Variants in KLB observed in about 807,000 individuals in gnomAD.
The protein encoded by KLB is beta-klotho.
KLB carries 44 observed loss-of-function variants against 88.4 expected under a neutral mutation model. That is an observed-to-expected ratio of 0.50 (90% CI 0.39 to 0.64). KLB has a LOEUF of 0.64. Ranked by LOEUF, KLB falls within the 30% of genes least tolerant of loss-of-function variation. KLB has a pLI of 0.00. For synonymous variants in KLB, 548 were observed against 513.4 expected, an observed-to-expected ratio of 1.07 and a Z score of -0.91; for missense variants, 1,137 against 1,304.8, an observed-to-expected ratio of 0.87 and a Z score of 1.98.
Position 39,447,216 on chromosome 4 carries a change from C to T in KLB, c.2490C>T (p.Phe830=), listed in dbSNP as rs989682756. 6.2e-7 allele frequency: 1 copy of T among 1,614,068 alleles called. No individual in the cohort carries two copies. Among genetic ancestry groups the T allele is most frequent in the Non-Finnish European group, 8.5e-7 (1 of 1,180,046 alleles). The stretch of plus-strand genomic sequence containing the variant: ...CGCTCAACCACTTCACCACTAGGTT[C>T]GTGATGCACGAGCAGCTGGCCGGCA... ...FCALNHFTTR[F]VMHEQLAGSR... The change falls in exon 4 of 5, where the codon TTC becomes TTT. Residue 830 remains phenylalanine (F), a synonymous_variant. Coordinates refer to ENST00000257408, the MANE Select transcript of KLB (RefSeq NM_175737.4).
chr4:39,409,194 A>G (rs971589002), intron 1 of KLB, among the ~76,000 whole-genome samples: 3 of 152,140 alleles, frequency 2.0e-5, no homozygotes, highest in African/African-American at 7.2e-5. Flanking sequence ...TTGACAAAAT[A>G]AGACCTTAAA....
chr4:39,432,881 A>AT (rs769537512), intron 1 of KLB, among the ~76,000 whole-genome samples: 6,860 of 142,918 alleles, frequency 0.048, 200 homozygotes, highest in African/African-American at 0.064. Context: ...CTTATAGGGG[A>AT]TTTTTTTTTT....
chr4:39,426,898 A>T (rs1249555761), intron 1 of KLB, among the ~76,000 whole-genome samples: 1 of 152,106 alleles, frequency 6.6e-6, no homozygotes, highest in Non-Finnish European at 1.5e-5. Context: ...TATATTGCCC[A>T]GTCTGGTCTT....
intron 2 of KLB, 87 bp downstream of exon 2, chr4:39,434,807 T>A: frequency 9.3e-7 from 1 of 1,075,742 alleles, no homozygotes; most frequent in South Asian, 1.6e-5. Flanking sequence ...ACTATTATTG[T>A]TGGGCTTTTT....
chr4:39,428,685 T>C lies in KLB; in HGVS notation c.826-5525T>C, dbSNP rs1560648652. Among the ~76,000 whole-genome samples the C allele has an allele frequency of 3.3e-5, 5 of 152,322 alleles. No individual in the cohort carries two copies. In the South Asian group the frequency reaches 8.3e-4, roughly 25 times the overall value. On this transcript the variant is annotated intron_variant, in intron 1 of 4. Coordinates refer to ENST00000257408, the MANE Select transcript of KLB (RefSeq NM_175737.4). Reference sequence around the variant, plus strand: ...GTGGAAGATGTTTAAAGTGATTTTATTTCTTAAATTTTTATTTATTTATTA... The same window carrying C: ...GTGGAAGATGTTTAAAGTGATTTTACTTCTTAAATTTTTATTTATTTATTA...
At chr4:39,425,942 AC>A in intron 1 of KLB, among the ~76,000 whole-genome samples, 1 of 150,046 alleles carries the variant, frequency 6.7e-6, no homozygotes, top group Admixed American at 6.7e-5. Context: ...ACATGGTGAA[AC>A]CCCGTCTCTA....
At chr4:39,420,716 T>A (rs1386292154) in intron 1 of KLB, among the ~76,000 whole-genome samples, 1 of 152,062 alleles carries the variant, frequency 6.6e-6, no homozygotes, top group Non-Finnish European at 1.5e-5. Context: ...GGTCTGACTC[T>A]TGTTGCCCAG....
In KLB at chr4:39,446,447, C is replaced by T; in HGVS notation, c.1721C>T (p.Ala574Val). 3.1e-6 allele frequency: 5 copies of T among 1,614,242 alleles called. No individual in the cohort carries two copies. Among genetic ancestry groups the T allele is most frequent in the Non-Finnish European group, 4.2e-6 (5 of 1,180,044 alleles). Residue 574 changes from alanine to valine, a missense_variant, in exon 4 of 5, where the codon GCT becomes GTT. Coordinates refer to ENST00000257408, the MANE Select transcript of KLB (RefSeq NM_175737.4). The surrounding 1 kb of genome is among the most constrained non-coding windows in gnomAD (Gnocchi z 6.4). ...VEGVRLKTRPAQCTDFVNIKK... is the reference protein window; with the variant it reads ...VEGVRLKTRPVQCTDFVNIKK... ...GGGGTGAGGCTGAAAACACGACCCG[C>T]TCAATGCACAGATTTTGTAAACATC...
intron 1 of KLB, among the ~76,000 whole-genome samples, chr4:39,424,774 A>G (rs752821251): frequency 5.9e-5 from 9 of 152,078 alleles, no homozygotes; most frequent in South Asian, 4.1e-4. Flanking sequence ...GACTACAGGC[A>G]TGTGCCACCA....
intron 3 of KLB, among the ~76,000 whole-genome samples, chr4:39,445,662 G>A (rs534085757): frequency 8.1e-5 from 12 of 147,978 alleles, no homozygotes; most frequent in East Asian, 4.0e-4. Flanking sequence ...GCGCCTCCAC[G>A]CCTGGCTAAT....
In KLB at chr4:39,407,745, G is replaced by C; in HGVS notation, c.796G>C (p.Val266Leu). ...TGGAGAGAAGGGAAATTTAGCAGCT[G>C]TCTACACTGTGGGACACAACTTGAT... ...APGEKGNLAA[V>L]YTVGHNLIKA... Residue 266 changes from valine (V) to leucine (L), a missense_variant, in exon 1 of 5, where the codon GTC becomes CTC. Coordinates refer to ENST00000257408, the MANE Select transcript of KLB (RefSeq NM_175737.4). 1 of 1,602,264 alleles carries C rather than the reference G, an allele frequency of 6.2e-7. No individual in the cohort carries two copies. The highest frequency in any genetic ancestry group is 8.5e-7 in the Non-Finnish European group (1 of 1,170,546).
In KLB at chr4:39,448,410, C is replaced by T. The variant is rs771849176; in HGVS notation, c.2859C>T (p.Ser953=). 3.1e-6 allele frequency: 5 copies of T among 1,613,978 alleles called. No individual in the cohort carries two copies. Among genetic ancestry groups the T allele is most frequent in the Non-Finnish European group, 1.7e-6 (2 of 1,179,992 alleles). Reference sequence around the variant, plus strand: ...TCACATCTGATTTTAAAGCTAAATCCTCAATACAATTTTACAACAAAGTGA... The same window carrying T: ...TCACATCTGATTTTAAAGCTAAATCTTCAATACAATTTTACAACAAAGTGA... ...GFFTSDFKAK[S]SIQFYNKVIS... The change falls in exon 5 of 5, where the codon TCC becomes TCT. Residue 953 remains serine, a synonymous_variant. Coordinates refer to ENST00000257408, the MANE Select transcript of KLB (RefSeq NM_175737.4).
At chr4:39,440,227 C>T (rs978919723) in intron 3 of KLB, among the ~76,000 whole-genome samples, 1 of 151,688 alleles carries the variant, frequency 6.6e-6, no homozygotes, top group Non-Finnish European at 1.5e-5. Flanking sequence ...TCACTGCAAC[C>T]TCTGCCTCCT....
intron 1 of KLB, chr4:39,411,912 G>A (rs1357350914): frequency 1.3e-5 from 2 of 151,288 alleles, no homozygotes; most frequent in Non-Finnish European, 3.0e-5. Context: ...TCATATAGTG[G>A]GAGCTAAGCT....
chr4:39,446,580 G>A lies in KLB; in HGVS notation c.1854G>A (p.Gln618=), dbSNP rs36100488. Residue 618 remains glutamine, a synonymous_variant, in exon 4 of 5, where the codon CAG becomes CAA. Coordinates refer to ENST00000257408, the MANE Select transcript of KLB (RefSeq NM_175737.4). This position sits in a 1 kb window ranked among gnomAD's most constrained non-coding sequence, Gnocchi z 6.4. Reference sequence around the variant, plus strand: ...GCAACCTGTCCGCGGTGAACCGACAGGCCCTGAGGTACTACAGGTGCGTGG... The same window carrying A: ...GCAACCTGTCCGCGGTGAACCGACAAGCCCTGAGGTACTACAGGTGCGTGG... The part of the protein sequence containing the change: ...PTGNLSAVNR[Q]ALRYYRCVVS... The A allele has an allele frequency of 5.1e-4, 821 of 1,614,144 alleles. 5 individuals carry two copies. Among genetic ancestry groups the A allele is most frequent in the Non-Finnish European group, 9.0e-5 (106 of 1,180,050 alleles).
intron 1 of KLB, among the ~76,000 whole-genome samples, chr4:39,424,778 G>A (rs531664409): frequency 2.6e-5 from 4 of 152,080 alleles, no homozygotes; most frequent in African/African-American, 4.8e-5. Context: ...ACAGGCATGT[G>A]CCACCACGCC....
Position 39,448,917 on chromosome 4 carries a change from G to T in KLB, c.*231G>T. ...AGGCTTCATCCTGACAGTAAGCTAT[G>T]AGGATTACATGCTACATTGCTTCTT... is the stretch of plus-strand genomic sequence containing the variant. On this transcript the variant is annotated 3_prime_UTR_variant, in exon 5 of 5. Transcript: ENST00000257408. 1 of 493,964 alleles carries T rather than the reference G, an allele frequency of 2.0e-6. No homozygotes were observed. Among genetic ancestry groups the T allele is most frequent in the Non-Finnish European group, 3.6e-6 (1 of 278,966 alleles). The allele number at this position is 493,964 out of a possible 1,614,324, so 30.6% of individuals were successfully genotyped here. A position where few individuals can be genotyped will look rare whatever the true frequency, so the allele number is the denominator to read the frequency against.
rs377347766 is a variant in KLB, at chr4:39,446,484, T to C, written c.1758T>C (p.Leu586=). The part of the protein sequence containing the change: ...CTDFVNIKKQ[L]EMLARMKVTH... ...ATTTTGTAAACATCAAAAAACAACT[T>C]GAGATGTTGGCAAGAATGAAAGTCA... Residue 586 remains leucine (L), a synonymous_variant, in exon 4 of 5, where the codon CTT becomes CTC. Coordinates refer to ENST00000257408, the MANE Select transcript of KLB (RefSeq NM_175737.4). This position sits in a 1 kb window ranked among gnomAD's most constrained non-coding sequence, Gnocchi z 6.4. 3 of 1,609,392 alleles carry C rather than the reference T, an allele frequency of 1.9e-6. No homozygotes were observed. The highest frequency in any genetic ancestry group is 2.6e-6 in the Non-Finnish European group (3 of 1,175,856).
In KLB at chr4:39,414,622, A is replaced by G. The variant is rs1578201322; in HGVS notation, c.825+6848A>G. Among the ~76,000 whole-genome samples, 4 of 151,886 alleles carry G rather than the reference A, an allele frequency of 2.6e-5. No homozygotes were observed. In the South Asian group the frequency reaches 8.3e-4, roughly 32 times the overall value. ...GTGGTGGCTCACACCTGTAATCCCAACACTTTGAGAGGCCAAGGTGGGCAC... is the reference window on the plus strand; with the variant it reads ...GTGGTGGCTCACACCTGTAATCCCAGCACTTTGAGAGGCCAAGGTGGGCAC... On this transcript the variant is annotated intron_variant, in intron 1 of 4. Coordinates refer to ENST00000257408, the MANE Select transcript of KLB (RefSeq NM_175737.4).
Sources: gnomAD v4.1 joint callset for allele counts (sites outside exome capture counted in the v4.1 genomes callset) on GRCh38, gnomAD v4.1.1 for gene constraint, Gnocchi (gnomAD v3.1) non-coding constraint, MANE v1.5 for transcripts, NCBI Gene and HGNC (gene_info 2026-07-23, HGNC 2026-07-21) for gene names.